Variants in CDK14 observed in about 807,000 individuals in gnomAD.
CDK14 encodes the protein cyclin-dependent kinase 14.
CDK14 carries 34 observed loss-of-function variants against 60.7 expected under a neutral mutation model. The observed-to-expected ratio is 0.56, with a 90% CI of 0.43 to 0.75. CDK14 has a LOEUF of 0.75. Among genes scored for constraint, CDK14 ranks in the 30% least tolerant of loss-of-function variants. CDK14 has a pLI of 0.00. For missense variants in CDK14, 482 were observed against 564.1 expected (o/e 0.85, Z 1.47); for synonymous variants, 197 against 203.7 (o/e 0.97, Z 0.28).
intron 5 of CDK14, among the ~76,000 whole-genome samples, chr7:90,799,533 C>T (rs913974350): frequency 2.6e-5 from 4 of 151,450 alleles, no homozygotes; most frequent in Admixed American, 2.6e-4. Context: ...ACTAAAAATA[C>T]AAAAAAATTA....
At chr7:90,788,035 C>G (rs535972725) in intron 4 of CDK14, among the ~76,000 whole-genome samples, 8 of 152,268 alleles carry the variant, frequency 5.3e-5, no homozygotes, top group African/African-American at 1.9e-4. Context: ...TGAGAATGTA[C>G]TTCAAGTACA....
At chr7:90,708,251 AGAGAGTTTTAT>A (rs1801943779) in intron 2 of CDK14, among the ~76,000 whole-genome samples, 1 of 152,206 alleles carries the variant, frequency 6.6e-6, no homozygotes, top group Admixed American at 6.5e-5. Context: ...CAACAGTACA[AGAGAGTTTTAT>A]GAGGTGGTGT....
chr7:90,985,557 G>A (rs1001681289), intron 10 of CDK14, among the ~76,000 whole-genome samples: 2 of 152,208 alleles, frequency 1.3e-5, no homozygotes, highest in Middle Eastern at 6.8e-3. Flanking sequence ...GACAAATTAA[G>A]TAAGCGCAAC....
intron 14 of CDK14, among the ~76,000 whole-genome samples, chr7:91,129,408 C>G (rs1415482422): frequency 6.6e-6 from 1 of 152,096 alleles, no homozygotes; most frequent in Non-Finnish European, 1.5e-5. Flanking sequence ...TTTATTAAAC[C>G]TCTACTTTTA....
Position 90,991,459 on chromosome 7 carries a change from C to T in CDK14, c.1041+7218C>T, listed in dbSNP as rs185987170. Among the ~76,000 whole-genome samples, 249 of 152,034 alleles carry T rather than the reference C, an allele frequency of 1.6e-3. 1 individual carries two copies. Among genetic ancestry groups the T allele is most frequent in the Non-Finnish European group, 3.1e-3 (212 of 67,976 alleles). On this transcript the variant is annotated intron_variant, in intron 10 of 14. Transcript: ENST00000380050. ...GAGAAATCAGTACAGTGACACAAATCAAGGGAAGGGTGACCAGAAGAGAAA... is the reference window on the plus strand; with the variant it reads ...GAGAAATCAGTACAGTGACACAAATTAAGGGAAGGGTGACCAGAAGAGAAA...
chr7:90,672,568 G>T (rs1166339216), intron 2 of CDK14, among the ~76,000 whole-genome samples: 1 of 131,816 alleles, frequency 7.6e-6, no homozygotes, highest in Non-Finnish European at 1.5e-5. Context: ...TGCCCAGGCT[G>T]GAGTGCCATG....
chr7:91,078,881 C>T (rs1798399177), intron 11 of CDK14, among the ~76,000 whole-genome samples: 1 of 152,182 alleles, frequency 6.6e-6, no homozygotes, highest in Admixed American at 6.5e-5. Flanking sequence ...GATTGTTTAA[C>T]TTGGTAAAAC....
intron 10 of CDK14, among the ~76,000 whole-genome samples, chr7:91,040,956 A>C (rs1797073326): frequency 6.6e-6 from 1 of 152,146 alleles, no homozygotes; most frequent in South Asian, 2.1e-4. Context: ...AGAAGTTTAG[A>C]ATTTGCTTTT....
At chr7:90,985,089 T>G (rs1460926527) in intron 10 of CDK14, among the ~76,000 whole-genome samples, 1 of 152,190 alleles carries the variant, frequency 6.6e-6, no homozygotes, top group African/African-American at 2.4e-5. Context: ...AGATTTTAAT[T>G]AGAGAGAGAA....
intron 2 of CDK14, among the ~76,000 whole-genome samples, chr7:90,657,329 T>C (rs557571458): frequency 6.6e-6 from 1 of 152,308 alleles, no homozygotes; most frequent in African/African-American, 2.4e-5. Context: ...ATATTTTCAG[T>C]GGACATTCAT....
intron 4 of CDK14, 93 bp downstream of exon 4, chr7:90,747,868 A>T: frequency 2.2e-6 from 1 of 452,750 alleles, no homozygotes. Flanking sequence ...ATTATTTAAT[A>T]TACAATAGAT....
intron 14 of CDK14, among the ~76,000 whole-genome samples, chr7:91,130,092 TATTAAA>T (rs1043612018): frequency 7.2e-5 from 11 of 152,166 alleles, no homozygotes; most frequent in Non-Finnish European, 2.9e-5. Context: ...CTGAAAGGGC[TATTAAA>T]ATACTTTTTT....
chr7:90,810,350 A>G (rs1789041758), intron 5 of CDK14, among the ~76,000 whole-genome samples: 1 of 152,236 alleles, frequency 6.6e-6, no homozygotes, highest in African/African-American at 2.4e-5. Flanking sequence ...CCAGCGTAGA[A>G]ACAGAACCAA....
At chr7:90,832,318 T>G (rs1458320466) in intron 5 of CDK14, among the ~76,000 whole-genome samples, 1 of 151,970 alleles carries the variant, frequency 6.6e-6, no homozygotes, top group Non-Finnish European at 1.5e-5. Flanking sequence ...TCTGTAGGAG[T>G]AGAAGGACTA....
chr7:91,093,870 G>T (rs1798903205), intron 12 of CDK14, among the ~76,000 whole-genome samples: 1 of 152,114 alleles, frequency 6.6e-6, no homozygotes, highest in African/African-American at 2.4e-5. Context: ...CACATCCTTT[G>T]CAGCAACATG....
chr7:90,848,378 G>A (rs1398389427), intron 5 of CDK14, among the ~76,000 whole-genome samples: 37 of 152,152 alleles, frequency 2.4e-4, no homozygotes, highest in Admixed American at 2.4e-3. Flanking sequence ...TACTTTGCCT[G>A]GCCTGAGCCA....
chr7:90,736,813 G>A (rs941347190), intron 3 of CDK14, among the ~76,000 whole-genome samples: 8 of 152,016 alleles, frequency 5.3e-5, no homozygotes, highest in African/African-American at 1.7e-4. Context: ...TGCCTTCCCA[G>A]CCGTATACAT....
At chr7:91,113,303 C>T (rs867187787) in intron 13 of CDK14, among the ~76,000 whole-genome samples, 1 of 152,198 alleles carries the variant, frequency 6.6e-6, no homozygotes, top group Non-Finnish European at 1.5e-5. Context: ...TGCAAATGCT[C>T]TTGGTATTTG....
At chr7:90,801,636 A>G (rs549421968) in intron 5 of CDK14, among the ~76,000 whole-genome samples, 7 of 152,314 alleles carry the variant, frequency 4.6e-5, no homozygotes, top group South Asian at 4.2e-4. Flanking sequence ...CACAAAGACA[A>G]AATGTTCCAG....
Sources: allele counts gnomAD v4.1 joint callset (sites outside exome capture counted in the v4.1 genomes callset), GRCh38; gene constraint gnomAD v4.1.1; transcripts MANE v1.5; gene names NCBI Gene and HGNC (gene_info 2026-07-23, HGNC 2026-07-21).